EGFR: variants seen among roughly 807,000 people sequenced by gnomAD.
EGFR encodes the protein epidermal growth factor receptor.
EGFR carries 58 observed loss-of-function variants against 143.0 expected under a neutral mutation model. That is an observed-to-expected ratio of 0.41 (90% confidence interval 0.33 to 0.50). The LOEUF (loss-of-function observed/expected upper bound fraction) is 0.50. Among genes scored for constraint, EGFR ranks in the 20% least tolerant of loss-of-function variants. The pLI is 0.39. For synonymous variants in EGFR, 613 were observed against 594.4 expected, an observed-to-expected ratio of 1.03 and a Z score of -0.45; for missense variants, 1,307 against 1,579.0, an observed-to-expected ratio of 0.83 and a Z score of 2.92.
chr7:55,048,092 A>G (rs1788284002), intron 1 of EGFR, among the ~76,000 whole-genome samples: 1 of 152,216 alleles, frequency 6.6e-6, no homozygotes, highest in African/African-American at 2.4e-5. Context: ...TGTACATTAC[A>G]TTAAATAACT....
intron 12 of EGFR, among the ~76,000 whole-genome samples, chr7:55,161,174 T>A (rs1785678722): frequency 6.6e-6 from 1 of 152,326 alleles, no homozygotes; most frequent in African/African-American, 2.4e-5. Flanking sequence ...CCCATCTGGT[T>A]TAATTGATGC....
In EGFR at chr7:55,151,042, T is replaced by C. The variant is rs185590406; in HGVS notation, c.560-252T>C. On this transcript the variant is annotated intron_variant, in intron 4 of 27. Transcript: ENST00000275493. ...CAAATTCATGAAAAATTCTTGCTTATGTGGCCCATGTCAGTAATTACTCTC... is the reference window on the plus strand; with the variant it reads ...CAAATTCATGAAAAATTCTTGCTTACGTGGCCCATGTCAGTAATTACTCTC... Among the ~76,000 whole-genome samples the C allele has an allele frequency of 1.5e-3, 233 of 152,348 alleles. 1 individual carries two copies. Among genetic ancestry groups the C allele is most frequent in the African/African-American group, 5.3e-3 (222 of 41,586 alleles).
At chr7:55,071,027 G>A (rs932721643) in intron 1 of EGFR, among the ~76,000 whole-genome samples, 3 of 152,218 alleles carry the variant, frequency 2.0e-5, no homozygotes, top group Non-Finnish European at 4.4e-5. Context: ...GCCAAACGCC[G>A]CTAGCAGGAG....
At chr7:55,184,354 C>G (rs1028309468) in intron 20 of EGFR, among the ~76,000 whole-genome samples, 1 of 152,218 alleles carries the variant, frequency 6.6e-6, no homozygotes, top group Non-Finnish European at 1.5e-5. Context: ...GCAGCATGAC[C>G]ATCACATGCC....
At chr7:55,085,522 A>G (rs1430675270) in intron 1 of EGFR, among the ~76,000 whole-genome samples, 1 of 152,192 alleles carries the variant, frequency 6.6e-6, no homozygotes, top group Non-Finnish European at 1.5e-5. Context: ...TCTCTAAAGT[A>G]TTATCATGAA....
At chr7:55,128,378 T>G (rs1793650618) in intron 1 of EGFR, among the ~76,000 whole-genome samples, 1 of 152,238 alleles carries the variant, frequency 6.6e-6, no homozygotes, top group African/African-American at 2.4e-5. Flanking sequence ...TTCACCTTAG[T>G]CATTGCCCTT....
At chr7:55,152,394 G>T in intron 5 of EGFR, 152 bp from the exon 6 acceptor site, 1 of 797,236 alleles carries the variant, frequency 1.3e-6, no homozygotes, top group East Asian at 2.4e-5. Flanking sequence ...AATCAGAAAA[G>T]GGCATGGTTT....
chr7:55,133,173 T>G (rs897786757), intron 1 of EGFR, among the ~76,000 whole-genome samples: 4 of 152,198 alleles, frequency 2.6e-5, no homozygotes, highest in African/African-American at 9.6e-5. Context: ...GCCCTGCCTG[T>G]CTTTACCTGC....
intron 1 of EGFR, among the ~76,000 whole-genome samples, chr7:55,130,835 C>T (rs1793789618): frequency 6.6e-6 from 1 of 152,234 alleles, no homozygotes; most frequent in African/African-American, 2.4e-5. Flanking sequence ...AGGCCAGCTG[C>T]CTTCCTTTCA....
At chr7:55,187,410 G>C (rs1435332377) in intron 20 of EGFR, among the ~76,000 whole-genome samples, 1 of 152,182 alleles carries the variant, frequency 6.6e-6, no homozygotes, top group Non-Finnish European at 1.5e-5. Flanking sequence ...ATTTGATCCA[G>C]GTGGCCTGGT....
intron 4 of EGFR, 148 bp downstream of exon 4, chr7:55,146,888 C>A: frequency 8.0e-7 from 1 of 1,249,144 alleles, no homozygotes; most frequent in Non-Finnish European, 1.1e-6. Flanking sequence ...ACTAGAAAAG[C>A]ATGTATTTAC....
chr7:55,058,938 C>CA (rs1349205793), intron 1 of EGFR, among the ~76,000 whole-genome samples: 1 of 152,006 alleles, frequency 6.6e-6, no homozygotes, highest in African/African-American at 2.4e-5. Flanking sequence ...ATGGCTCTAG[C>CA]AAAAAAATAA....
At chr7:55,053,226 T>C (rs2128875160) in intron 1 of EGFR, among the ~76,000 whole-genome samples, 1 of 152,310 alleles carries the variant, frequency 6.6e-6, no homozygotes, top group Non-Finnish European at 1.5e-5. Flanking sequence ...AAAACCCCTG[T>C]GGTTTCTTGA....
At chr7:55,077,785 G>A (rs149472435) in intron 1 of EGFR, among the ~76,000 whole-genome samples, 3 of 152,050 alleles carry the variant, frequency 2.0e-5, no homozygotes, top group Non-Finnish European at 2.9e-5. Flanking sequence ...TGGGTTAAAT[G>A]CTCTTAAAAA....
intron 1 of EGFR, among the ~76,000 whole-genome samples, chr7:55,055,472 G>A (rs1171485798): frequency 1.3e-5 from 2 of 152,156 alleles, no homozygotes; most frequent in Admixed American, 1.3e-4. Context: ...GAACATGTGC[G>A]CATTCAGTGC....
chr7:55,158,405 A>G (rs191281042), intron 11 of EGFR, among the ~76,000 whole-genome samples: 1 of 152,260 alleles, frequency 6.6e-6, no homozygotes, highest in Admixed American at 6.5e-5. Context: ...TTGACTCTTA[A>G]AGCACTAGAT....
intron 1 of EGFR, among the ~76,000 whole-genome samples, chr7:55,067,619 C>A (rs1428520648): frequency 6.6e-6 from 1 of 151,506 alleles, no homozygotes; most frequent in East Asian, 1.9e-4. Flanking sequence ...AGGAACCAAT[C>A]TGCTACTTTT....
chr7:55,168,010 A>G (rs973920833), intron 15 of EGFR, among the ~76,000 whole-genome samples: 1 of 152,194 alleles, frequency 6.6e-6, no homozygotes, highest in African/African-American at 2.4e-5. Context: ...ACCTATACCT[A>G]GTTTTTAACT....
At chr7:55,078,868 C>A (rs112382068) in intron 1 of EGFR, among the ~76,000 whole-genome samples, 1 of 152,184 alleles carries the variant, frequency 6.6e-6, no homozygotes, top group Non-Finnish European at 1.5e-5. Flanking sequence ...TCTCCACTCC[C>A]CATGCAGCCC....
Sources: gnomAD v4.1 joint callset for allele counts (sites outside exome capture counted in the v4.1 genomes callset) on GRCh38, gnomAD v4.1.1 for gene constraint, MANE v1.5 for transcripts, NCBI Gene and HGNC (gene_info 2026-07-23, HGNC 2026-07-21) for gene names.